XYLT1: variants seen among roughly 807,000 people sequenced by gnomAD.
The protein encoded by XYLT1 is beta-D-xylosyltransferase 1.
Under a neutral mutation model 91.3 loss-of-function variants are expected in XYLT1, and 36 were observed. That is an observed-to-expected ratio of 0.39 (90% confidence interval 0.30 to 0.52). The LOEUF is 0.52. XYLT1 is among the 20% of genes least tolerant of loss of function. XYLT1 has a pLI of 0.68. For synonymous variants in XYLT1, 588 were observed against 532.0 expected (o/e 1.11, Z -1.45); for missense variants, 1,242 against 1,284.5 (o/e 0.97, Z 0.51).
intron 3 of XYLT1, among the ~76,000 whole-genome samples, chr16:17,241,979 T>C (rs1303822851): frequency 6.6e-6 from 1 of 152,222 alleles, no homozygotes; most frequent in African/African-American, 2.4e-5. Context: ...AGGCACGTCC[T>C]ACATGGCCGC....
In XYLT1 at chr16:17,107,516, C is replaced by G. The variant is rs1304823704; in HGVS notation, c.*1179G>C. ...ACCTTCCCATTTTTATGTTGCATGT[C>G]CCGTTGAGCCTGTGGCCGAAGGGCA... On this transcript the variant is annotated 3_prime_UTR_variant, in exon 12 of 12. Transcript: ENST00000261381. 1 of 152,638 alleles carries G rather than the reference C, an allele frequency of 6.6e-6. No individual in the cohort carries two copies. Among genetic ancestry groups the G allele is most frequent in the Non-Finnish European group, 1.5e-5 (1 of 68,038 alleles). 9.5% of individuals were successfully genotyped at this position (152,638 alleles called of 1,614,324 possible).
At chr16:17,304,980 C>T (rs1425276399) in intron 2 of XYLT1, among the ~76,000 whole-genome samples, 1 of 152,150 alleles carries the variant, frequency 6.6e-6, no homozygotes, top group Non-Finnish European at 1.5e-5. Context: ...TTCCAGATGG[C>T]ACAGGAATGA....
At chr16:17,318,524 A>G (rs2034669519) in intron 2 of XYLT1, among the ~76,000 whole-genome samples, 1 of 152,238 alleles carries the variant, frequency 6.6e-6, no homozygotes, top group Non-Finnish European at 1.5e-5. Flanking sequence ...CCAACCAGCT[A>G]AAGGCCTGTT....
intron 2 of XYLT1, among the ~76,000 whole-genome samples, chr16:17,283,417 A>G (rs367847904): frequency 6.6e-5 from 10 of 152,196 alleles, no homozygotes; most frequent in African/African-American, 2.4e-4. Context: ...ATGTGAAGAA[A>G]GATGCCAAAC....
In XYLT1 at chr16:17,122,580, CT is replaced by C. The variant is rs1218247375; in HGVS notation, c.2224-4602del. On this transcript the variant is annotated intron_variant, in intron 10 of 11. Transcript: ENST00000261381. ...GATTATTTCTTTTGCCTTGCAGAAA[CT>C]TTTAAAATTAAGTCCTATCTACTTA... Among the ~76,000 whole-genome samples the C allele has an allele frequency of 3.3e-5, 5 of 152,298 alleles. No homozygotes were observed. In the East Asian group the frequency reaches 9.6e-4, roughly 29 times the overall value.
chr16:17,111,345 T>C (rs1966840429), intron 11 of XYLT1, among the ~76,000 whole-genome samples: 1 of 152,216 alleles, frequency 6.6e-6, no homozygotes, highest in Non-Finnish European at 1.5e-5. Flanking sequence ...TTCTAATATT[T>C]TGAAGACGTT....
intron 2 of XYLT1, among the ~76,000 whole-genome samples, chr16:17,287,802 G>A (rs1424153963): frequency 6.6e-6 from 1 of 152,146 alleles, no homozygotes; most frequent in African/African-American, 2.4e-5. Flanking sequence ...CTAAAGAAGG[G>A]GTGGAGGACT....
chr16:17,405,078 G>A (rs188667012), intron 1 of XYLT1, among the ~76,000 whole-genome samples: 4 of 150,054 alleles, frequency 2.7e-5, no homozygotes, highest in East Asian at 2.0e-4. Flanking sequence ...GCCACCCCGC[G>A]CCACCTCTCT....
At chr16:17,172,772 C>T (rs568501304) in intron 5 of XYLT1, among the ~76,000 whole-genome samples, 8 of 152,228 alleles carry the variant, frequency 5.3e-5, no homozygotes, top group South Asian at 4.1e-4. Context: ...CGCACCTGGC[C>T]GACTGTGTTC....
intron 9 of XYLT1, 134 bp downstream of exon 9, chr16:17,134,339 G>C: frequency 8.0e-7 from 1 of 1,254,806 alleles, no homozygotes; most frequent in Non-Finnish European, 1.1e-6. Context: ...ATGAGTTTTG[G>C]GCAAAGGAAG....
chr16:17,360,959 T>C (rs2035373957), intron 1 of XYLT1, among the ~76,000 whole-genome samples: 1 of 152,162 alleles, frequency 6.6e-6, no homozygotes, highest in South Asian at 2.1e-4. Context: ...TTTCCTATCA[T>C]CTATTGCAAT....
chr16:17,287,260 T>A (rs971339203), intron 2 of XYLT1, among the ~76,000 whole-genome samples: 1 of 152,032 alleles, frequency 6.6e-6, no homozygotes, highest in Non-Finnish European at 1.5e-5. Flanking sequence ...TCTTTTTTTT[T>A]AATCCAGTTC....
rs146288199 is a variant in XYLT1, at chr16:17,134,582, C to T, written c.1918G>A (p.Gly640Ser). 492 of 1,614,026 alleles carry T rather than the reference C, an allele frequency of 3.0e-4. 3 individuals are homozygous for T. The highest frequency in any genetic ancestry group is 6.2e-4 in the East Asian group (28 of 44,894). The change falls in exon 9 of 12, where the codon GGC becomes AGC. Residue 640 changes from glycine to serine, a missense_variant. Transcript: ENST00000261381. ...YWENVYDEPD[G>S]IHSLSDVTLT... The stretch of plus-strand genomic sequence containing the variant: ...GTCACGTCGCTCAGGCTGTGGATGC[C>T]GTCAGGCTCATCGTAGACATTCTCC...
chr16:17,192,648 C>A (rs1470266592), intron 5 of XYLT1, among the ~76,000 whole-genome samples: 2 of 152,168 alleles, frequency 1.3e-5, no homozygotes, highest in African/African-American at 4.8e-5. Context: ...CCTACGTGGA[C>A]CAGGATGTCA....
At position 17,102,236 on chromosome 16, in the gene XYLT1, C is replaced by T. The variant is rs1216560419; in HGVS notation, c.*6459G>A. 6.6e-6 allele frequency: 1 copy of T among 152,522 alleles called. No homozygotes were observed. The highest frequency in any genetic ancestry group is 6.5e-5 in the Admixed American group (1 of 15,272). 9.4% of individuals were successfully genotyped at this position (152,522 alleles called of 1,614,324 possible). ...TTGGATGATAAATTATATAGTCATC[C>T]TATCTTCACCATGCAGATGACAGAA... On this transcript the variant is annotated 3_prime_UTR_variant, in exon 12 of 12. Transcript: ENST00000261381.
chr16:17,241,093 A>G (rs772431709), intron 3 of XYLT1, among the ~76,000 whole-genome samples: 2 of 152,202 alleles, frequency 1.3e-5, no homozygotes, highest in Non-Finnish European at 2.9e-5. Flanking sequence ...ACGCATAAGT[A>G]AAGTCTGGAG....
At chr16:17,109,885 A>G (rs1398941655) in intron 11 of XYLT1, among the ~76,000 whole-genome samples, 2 of 152,278 alleles carry the variant, frequency 1.3e-5, no homozygotes, top group East Asian at 3.9e-4. Flanking sequence ...TCTGCTTCCT[A>G]GAAGCCTAAG....
At chr16:17,296,646 G>T (rs1000913323) in intron 2 of XYLT1, among the ~76,000 whole-genome samples, 1 of 152,212 alleles carries the variant, frequency 6.6e-6, no homozygotes, top group Non-Finnish European at 1.5e-5. Flanking sequence ...AGAGCCCGGG[G>T]CCAACTGGGG....
chr16:17,283,617 GACA>G (rs1204745237), intron 2 of XYLT1, among the ~76,000 whole-genome samples: 9 of 152,194 alleles, frequency 5.9e-5, no homozygotes, highest in African/African-American at 2.2e-4. Flanking sequence ...CCTTTGAAAT[GACA>G]ACAATGAAAG....
Sources: gnomAD v4.1 joint callset for allele counts (sites outside exome capture counted in the v4.1 genomes callset) on GRCh38, gnomAD v4.1.1 for gene constraint, MANE v1.5 for transcripts, NCBI Gene and HGNC (gene_info 2026-07-23, HGNC 2026-07-21) for gene names.